TET1: variants seen among roughly 807,000 people sequenced by gnomAD.
TET1 encodes the protein methylcytosine dioxygenase TET1.
Under a neutral mutation model 148.7 loss-of-function variants are expected in TET1, and 13 were observed. That is an observed-to-expected ratio of 0.09 (90% CI 0.06 to 0.14). The LOEUF (loss-of-function observed/expected upper bound fraction) is 0.14. Ranked by LOEUF, TET1 falls within the 10% of genes least tolerant of loss-of-function variation. TET1 has a pLI of 1.00. For synonymous variants in TET1, 907 were observed against 937.2 expected (o/e 0.97, Z 0.59); for missense variants, 2,182 against 2,553.8 (o/e 0.85, Z 3.14).
chr10:68,662,018 A>G (rs58368706), intron 6 of TET1, among the ~76,000 whole-genome samples: 27,304 of 151,240 alleles, frequency 0.18, 3,088 homozygotes, highest in African/African-American at 0.31. Context: ...TGGAACTACA[A>G]GTTGCACCAC....
chr10:68,591,196 G>T (rs578013532), intron 2 of TET1, among the ~76,000 whole-genome samples: 3 of 152,324 alleles, frequency 2.0e-5, no homozygotes, highest in African/African-American at 7.2e-5. Context: ...CATTGACTAA[G>T]TATTTGGATA....
At chr10:68,624,312 G>T in intron 3 of TET1, among the ~76,000 whole-genome samples, 2 of 141,826 alleles carry the variant, frequency 1.4e-5, no homozygotes, top group African/African-American at 5.3e-5. Flanking sequence ...TTTTTTAGAC[G>T]GAGTCTTGCT....
At position 68,692,183 on chromosome 10, in the gene TET1, A is replaced by C; in HGVS notation, c.*369A>C. 3.6e-6 allele frequency: 1 copy of C among 274,260 alleles called. No homozygotes were observed. The highest frequency in any genetic ancestry group is 5.2e-5 in the East Asian group (1 of 19,058). The allele number at this position is 274,260 out of a possible 1,614,324, so 17.0% of individuals were successfully genotyped here. A position where few individuals can be genotyped will look rare whatever the true frequency, so the allele number is the denominator to read the frequency against. On this transcript the variant is annotated 3_prime_UTR_variant, in exon 12 of 12. Coordinates refer to ENST00000373644, the MANE Select transcript of TET1 (RefSeq NM_030625.3). ...GGTTCATGTTCTATGATGTAAAATC[A>C]AGACACACAGTGTTAACTCTACACA...
chr10:68,690,975 A>G lies in TET1; in HGVS notation c.5572A>G (p.Thr1858Ala), dbSNP rs1407564402. The change falls in exon 12 of 12, where the codon ACA becomes GCA. Residue 1858 changes from threonine to alanine, a missense_variant. Transcript: ENST00000373644. The part of the protein sequence containing the change: ...FSWSPKTASA[T>A]PAPLKNDATA... ...CTGGTCCCCGAAGACTGCTTCAGCCACACCAGCTCCACTGAAGAATGACGC... is the reference window on the plus strand; with the variant it reads ...CTGGTCCCCGAAGACTGCTTCAGCCGCACCAGCTCCACTGAAGAATGACGC... 1 of 1,614,220 alleles carries G rather than the reference A, an allele frequency of 6.2e-7. No individual in the cohort carries two copies.
chr10:68,667,233 C>T lies in TET1; in HGVS notation c.4650C>T (p.Asp1550=). 1 of 1,613,714 alleles carries T rather than the reference C, an allele frequency of 6.2e-7. No homozygotes were observed. The highest frequency in any genetic ancestry group is 8.5e-7 in the Non-Finnish European group (1 of 1,179,840). ...NLKSYNGHPT[D]RRCTLNENRT... Reference sequence around the variant, plus strand: ...AGTCATACAATGGGCACCCTACCGACAGAAGATGCACCCTCAATGAAAAGT... The same window carrying T: ...AGTCATACAATGGGCACCCTACCGATAGAAGATGCACCCTCAATGAAAAGT... The change falls in exon 7 of 12, where the codon GAC becomes GAT. Residue 1550 remains aspartate, a synonymous_variant. Coordinates refer to ENST00000373644, the MANE Select transcript of TET1 (RefSeq NM_030625.3).
chr10:68,596,005 C>T (rs1589061588), intron 2 of TET1, among the ~76,000 whole-genome samples: 3 of 99,348 alleles, frequency 3.0e-5, no homozygotes, highest in African/African-American at 7.9e-5. Context: ...CACACACACA[C>T]ACACACACAC....
At chr10:68,679,793 A>C (rs1333089799) in intron 8 of TET1, among the ~76,000 whole-genome samples, 1 of 151,730 alleles carries the variant, frequency 6.6e-6, no homozygotes, top group African/African-American at 2.4e-5. Context: ...CCTGCCTCAG[A>C]CTCCCAAATA....
chr10:68,629,916 T>C (rs1270056231), intron 3 of TET1, among the ~76,000 whole-genome samples: 1 of 152,210 alleles, frequency 6.6e-6, no homozygotes, highest in Non-Finnish European at 1.5e-5. Flanking sequence ...TTGGAAGTGC[T>C]ACATACTTAA....
At chr10:68,572,042 G>C (rs79759578) in intron 1 of TET1, among the ~76,000 whole-genome samples, 175 bp from the exon 2 acceptor site, 1 of 152,092 alleles carries the variant, frequency 6.6e-6, no homozygotes, top group South Asian at 2.1e-4. Context: ...GCTTGAGCCT[G>C]GGTAGGTCCA....
At chr10:68,664,883 T>TC (rs538426012) in intron 6 of TET1, among the ~76,000 whole-genome samples, 30 of 151,852 alleles carry the variant, frequency 2.0e-4, no homozygotes, top group Non-Finnish European at 3.8e-4. Context: ...CAAGGGATCC[T>TC]CCCCCCTCAG....
At chr10:68,680,119 AC>A (rs1299674675) in intron 8 of TET1, among the ~76,000 whole-genome samples, 3 of 152,242 alleles carry the variant, frequency 2.0e-5, no homozygotes, top group African/African-American at 7.2e-5. Context: ...AGTCACACTT[AC>A]GGTTGCTAAG....
rs71483920 is a variant in TET1, at chr10:68,672,487, CAAAAAAAA to C, written c.4674-391_4674-384del. Among the ~76,000 whole-genome samples the C allele has an allele frequency of 1.8e-4, 9 of 49,736 alleles. No homozygotes were observed. The East Asian group carries it at 3.9e-3, about 21-fold the overall frequency. The allele number at this position is 49,736 out of a possible 152,430, so 32.6% of individuals were successfully genotyped here. A position where few individuals can be genotyped will look rare whatever the true frequency, so the allele number is the denominator to read the frequency against. ...TTGGTGACAGGGCTAGACCCCATCT[CAAAAAAAA>C]AAAAAAAAAAAAAAAACACCAAAAA... is the stretch of plus-strand genomic sequence containing the variant. On this transcript the variant is annotated intron_variant, in intron 7 of 11. Transcript: ENST00000373644.
chr10:68,656,327 A>T (rs1476630187), intron 6 of TET1, among the ~76,000 whole-genome samples: 1 of 152,130 alleles, frequency 6.6e-6, no homozygotes, highest in African/African-American at 2.4e-5. Flanking sequence ...CAGTGGCTCA[A>T]TCTCGGCTCA....
chr10:68,589,631 C>T (rs2132836710), intron 2 of TET1, among the ~76,000 whole-genome samples: 1 of 151,008 alleles, frequency 6.6e-6, no homozygotes, highest in Middle Eastern at 3.4e-3. Flanking sequence ...GTTCCAGTGC[C>T]CCAAAATACT....
chr10:68,626,507 TTTATTA>T (rs2054485034), intron 3 of TET1, among the ~76,000 whole-genome samples: 1 of 151,548 alleles, frequency 6.6e-6, no homozygotes, highest in African/African-American at 2.4e-5. Flanking sequence ...GGCCTAGACA[TTTATTA>T]TTGTCTTTTT....
At position 68,624,896 on chromosome 10, in the gene TET1, T is replaced by A. The variant is rs548530066; in HGVS notation, c.1969-19802T>A. ...ACAGGAGTCCGCCATCACGCCCAGC[T>A]AATTTTTTTTTGTATTTTTAGTAGA... On this transcript the variant is annotated intron_variant, in intron 3 of 11. Transcript: ENST00000373644. 7.3e-5 allele frequency among the ~76,000 whole-genome samples: 11 copies of A among 150,908 alleles called. No homozygotes were observed. In the South Asian group the frequency reaches 2.1e-3, roughly 29 times the overall value.
At chr10:68,670,325 C>G (rs933753567) in intron 7 of TET1, among the ~76,000 whole-genome samples, 7 of 152,112 alleles carry the variant, frequency 4.6e-5, no homozygotes, top group Non-Finnish European at 8.8e-5. Context: ...TTTTGTCTGT[C>G]ATGACATTGA....
intron 3 of TET1, among the ~76,000 whole-genome samples, chr10:68,604,144 C>T (rs1368292150): frequency 2.0e-5 from 3 of 152,160 alleles, no homozygotes; most frequent in Non-Finnish European, 2.9e-5. Context: ...TTTTAAGTGA[C>T]GTGGTTTGGA....
intron 3 of TET1, among the ~76,000 whole-genome samples, chr10:68,627,978 A>G (rs2054512046): frequency 6.6e-6 from 1 of 151,750 alleles, no homozygotes; most frequent in African/African-American, 2.4e-5. Flanking sequence ...CCGGCCCCCA[A>G]ATATTTATTA....
Sources: allele counts gnomAD v4.1 joint callset (sites outside exome capture counted in the v4.1 genomes callset), GRCh38; gene constraint gnomAD v4.1.1; transcripts MANE v1.5; gene names NCBI Gene and HGNC (gene_info 2026-07-23, HGNC 2026-07-21).